Variants in DOCK3 observed in about 807,000 individuals in gnomAD.
DOCK3 encodes the protein dedicator of cytokinesis 3, also known as dedicator of cytokinesis protein 3.
Under a neutral mutation model 265.6 loss-of-function variants are expected in DOCK3, and 60 were observed. The observed-to-expected ratio is 0.23, with a 90% CI of 0.18 to 0.28. The LOEUF is 0.28. DOCK3 is among the 10% of genes least tolerant of loss of function. DOCK3 has a pLI of 1.00. For synonymous variants in DOCK3, 881 were observed against 938.0 expected (o/e 0.94, Z 1.11); for missense variants, 1,981 against 2,594.3 (o/e 0.76, Z 5.14).
At chr3:50,713,654 A>ATT (rs1553638714) in intron 1 of DOCK3, among the ~76,000 whole-genome samples, 173 of 151,342 alleles carry the variant, frequency 1.1e-3, no homozygotes, top group African/African-American at 4.0e-3. Context: ...ATATATATAT[A>ATT]TTTTTTGTTT....
Position 51,075,404 on chromosome 3 carries a change from C to T in DOCK3, c.513C>T (p.Asp171=). The part of the protein sequence containing the change: ...LVPRKDFEVV[D]SDQISVSDLY... The stretch of plus-strand genomic sequence containing the variant: ...CTCGGAAGGACTTTGAAGTAGTGGA[C>T]TCGGACCAGATTAGTGTCTCAGATC... Residue 171 remains aspartate (D), a synonymous_variant, in exon 7 of 53, where the codon GAC becomes GAT. Transcript: ENST00000266037. 6.2e-7 allele frequency: 1 copy of T among 1,611,150 alleles called. No homozygotes were observed. Among genetic ancestry groups the T allele is most frequent in the Non-Finnish European group, 8.5e-7 (1 of 1,178,786 alleles).
intron 1 of DOCK3, among the ~76,000 whole-genome samples, chr3:50,760,240 C>A (rs1035832753): frequency 6.6e-6 from 1 of 152,240 alleles, no homozygotes; most frequent in African/African-American, 2.4e-5. Context: ...TTTCCACCAC[C>A]TCTGGTTGAA....
intron 49 of DOCK3, among the ~76,000 whole-genome samples, chr3:51,370,186 CA>C (rs1445696187): frequency 6.6e-6 from 1 of 152,196 alleles, no homozygotes; most frequent in Non-Finnish European, 1.5e-5. Flanking sequence ...GTGCCACAGT[CA>C]AGGTTGGCAT....
At chr3:50,695,773 C>T (rs571791821) in intron 1 of DOCK3, among the ~76,000 whole-genome samples, 4 of 152,306 alleles carry the variant, frequency 2.6e-5, no homozygotes, top group South Asian at 2.1e-4. Context: ...AGCTCTACTT[C>T]GGATCCCACT....
In DOCK3 at chr3:51,196,242, T is replaced by G. The variant is rs538530947; in HGVS notation, c.1038-12532T>G. Among the ~76,000 whole-genome samples, 11 of 152,296 alleles carry G rather than the reference T, an allele frequency of 7.2e-5. No individual in the cohort carries two copies. In the East Asian group the frequency reaches 1.9e-3, roughly 27 times the overall value. ...TGAGCCACTGCATTTGGCCAGACTT[T>G]TTTCTTTTAGTTATTTAAATATATT... On this transcript the variant is annotated intron_variant, in intron 12 of 52. Transcript: ENST00000266037.
At chr3:51,237,955 G>C (rs186242952) in intron 21 of DOCK3, among the ~76,000 whole-genome samples, 3 of 150,924 alleles carry the variant, frequency 2.0e-5, no homozygotes, top group African/African-American at 7.3e-5. Context: ...CTATGAATTT[G>C]ACTACTTTAG....
intron 5 of DOCK3, among the ~76,000 whole-genome samples, chr3:50,990,118 A>G (rs1199919462): frequency 6.6e-6 from 1 of 152,154 alleles, no homozygotes; most frequent in African/African-American, 2.4e-5. Flanking sequence ...AAGACTAAAG[A>G]TGAATGAACA....
chr3:51,120,827 G>A (rs891142889), intron 9 of DOCK3, among the ~76,000 whole-genome samples: 8 of 152,086 alleles, frequency 5.3e-5, no homozygotes, highest in African/African-American at 1.7e-4. Flanking sequence ...CACCAAGCTC[G>A]AGCATCCCAG....
In DOCK3 at chr3:50,916,335, A is replaced by G. The variant is rs187506853; in HGVS notation, c.219-17646A>G. Among the ~76,000 whole-genome samples, 243 of 152,054 alleles carry G rather than the reference A, an allele frequency of 1.6e-3. 1 individual carries two copies. Among genetic ancestry groups the G allele is most frequent in the Non-Finnish European group, 1.6e-3 (108 of 68,002 alleles). On this transcript the variant is annotated intron_variant, in intron 4 of 52. Coordinates refer to ENST00000266037, the MANE Select transcript of DOCK3 (RefSeq NM_004947.5). ...GTGGCACAATCTCACTCTGTTACCC[A>G]GGCTGGAGTGTAGTGGCGCAATCTT... is the stretch of plus-strand genomic sequence containing the variant.
intron 1 of DOCK3, among the ~76,000 whole-genome samples, chr3:50,771,782 C>T (rs1181955849): frequency 3.9e-5 from 6 of 152,130 alleles, no homozygotes; most frequent in Non-Finnish European, 7.4e-5. Flanking sequence ...ACCCGGGAGG[C>T]GGAGCTTGCA....
At chr3:51,333,707 G>A (rs1042682267) in intron 35 of DOCK3, among the ~76,000 whole-genome samples, 6 of 152,118 alleles carry the variant, frequency 3.9e-5, no homozygotes, top group Admixed American at 2.6e-4. Context: ...AGGGACTAGG[G>A]ACCCCACTTT....
At chr3:51,141,815 G>T (rs1306159919) in intron 9 of DOCK3, among the ~76,000 whole-genome samples, 2 of 152,132 alleles carry the variant, frequency 1.3e-5, no homozygotes, top group African/African-American at 4.8e-5. Context: ...GCTTTATAAA[G>T]ATTGAAGATA....
chr3:50,678,228 T>C (rs1464075780), intron 1 of DOCK3, among the ~76,000 whole-genome samples: 1 of 152,210 alleles, frequency 6.6e-6, no homozygotes, highest in African/African-American at 2.4e-5. Context: ...TTTGACTTCT[T>C]ATGTCCCTTT....
intron 39 of DOCK3, among the ~76,000 whole-genome samples, chr3:51,349,216 T>C (rs969340748): frequency 6.6e-6 from 1 of 152,208 alleles, no homozygotes; most frequent in Non-Finnish European, 1.5e-5. Flanking sequence ...AGGTGGCAGC[T>C]CAACTTCACA....
At chr3:50,764,887 T>C (rs1238184694) in intron 1 of DOCK3, among the ~76,000 whole-genome samples, 1 of 152,100 alleles carries the variant, frequency 6.6e-6, no homozygotes, top group Non-Finnish European at 1.5e-5. Context: ...TCATTATATA[T>C]AGTTAACAAT....
At chr3:51,295,419 A>C (rs1419712905) in intron 27 of DOCK3, among the ~76,000 whole-genome samples, 1 of 152,230 alleles carries the variant, frequency 6.6e-6, no homozygotes, top group Non-Finnish European at 1.5e-5. Flanking sequence ...TCTATTCTTC[A>C]TGGATCCACC....
At chr3:51,305,311 C>T (rs1317774628) in intron 27 of DOCK3, among the ~76,000 whole-genome samples, 1 of 151,986 alleles carries the variant, frequency 6.6e-6, no homozygotes, top group Non-Finnish European at 1.5e-5. Context: ...TAAAAATATC[C>T]TTCTTTGTCT....
intron 4 of DOCK3, among the ~76,000 whole-genome samples, chr3:50,928,377 C>A (rs1202440683): frequency 1.3e-5 from 2 of 152,016 alleles, no homozygotes; most frequent in Non-Finnish European, 2.9e-5. Context: ...TTCTAGGTAC[C>A]TAATATAAAT....
chr3:51,240,107 A>G (rs2078541280), intron 21 of DOCK3, among the ~76,000 whole-genome samples: 1 of 152,290 alleles, frequency 6.6e-6, no homozygotes, highest in African/African-American at 2.4e-5. Flanking sequence ...CCTCTTAACA[A>G]TGCCTTACCT....
Sources: allele counts gnomAD v4.1 joint callset (sites outside exome capture counted in the v4.1 genomes callset), GRCh38; gene constraint gnomAD v4.1.1; transcripts MANE v1.5; gene names NCBI Gene and HGNC (gene_info 2026-07-23, HGNC 2026-07-21).